The following PRRC2B variants were observed in gnomAD, a reference collection of about 807,000 sequenced individuals.
The protein encoded by PRRC2B is protein PRRC2B.
Under a neutral mutation model 242.3 loss-of-function variants are expected in PRRC2B, and 68 were observed. That is an observed-to-expected ratio of 0.28 (90% CI 0.23 to 0.34). The LOEUF is 0.34. Among genes scored for constraint, PRRC2B ranks in the 10% least tolerant of loss-of-function variants. PRRC2B has a pLI of 1.00. For missense variants in PRRC2B, 2,835 were observed against 2,954.8 expected (o/e 0.96, Z 0.94); for synonymous variants, 1,228 against 1,173.6 (o/e 1.05, Z -0.95).
At chr9:131,449,711 C>T (rs1299934003) in intron 9 of PRRC2B, among the ~76,000 whole-genome samples, 2 of 151,988 alleles carry the variant, frequency 1.3e-5, no homozygotes, top group Non-Finnish European at 2.9e-5. Flanking sequence ...TTTTTAAACA[C>T]TGTTTTGGTG....
chr9:131,475,371 C>T lies in PRRC2B; in HGVS notation c.3242C>T (p.Ala1081Val), dbSNP rs200121607. 115 of 1,586,876 alleles carry T rather than the reference C, an allele frequency of 7.2e-5. 2 individuals are homozygous for T. Among genetic ancestry groups the T allele is most frequent in the Middle Eastern group, 5.1e-4 (3 of 5,912 alleles). The stretch of plus-strand genomic sequence containing the variant: ...GAGTTCACTTTTCGTGGTCGGCCTG[C>T]TGGCGGAAATGGGAGCGGCCTCTGT... Reference protein sequence around the residue: ...FREFTFRGRPAGGNGSGLCGG... With the variant: ...FREFTFRGRPVGGNGSGLCGG... The change falls in exon 16 of 32, where the codon GCT (alanine) becomes GTT (valine). Residue 1081 changes from alanine to valine, a missense_variant. Transcript: ENST00000683519.
chr9:131,465,047 T>C lies in PRRC2B; in HGVS notation c.1689T>C (p.Ser563=), dbSNP rs1359420649. The C allele has an allele frequency of 1.9e-6, 3 of 1,613,658 alleles. No individual in the cohort carries two copies. The highest frequency in any genetic ancestry group is 1.7e-6 in the Non-Finnish European group (2 of 1,179,694). The stretch of plus-strand genomic sequence containing the variant: ...GGTCTCCAAGTGCTGAGAAGGCATC[T>C]CCCCAGGAAAACGGCCCTGCTGTCC... ...VPWSPSAEKA[S]PQENGPAVHK... is the part of the protein sequence containing the mutation. Residue 563 remains serine, a synonymous_variant, in exon 12 of 32, where the codon TCT becomes TCC. Transcript: ENST00000683519.
At chr9:131,400,667 C>T (rs1299919407) in intron 1 of PRRC2B, among the ~76,000 whole-genome samples, 1 of 152,138 alleles carries the variant, frequency 6.6e-6, no homozygotes, top group African/African-American at 2.4e-5. Flanking sequence ...CCGCCTCCGC[C>T]TATCAAAGTG....
chr9:131,413,633 TG>T (rs1040933125), intron 1 of PRRC2B, among the ~76,000 whole-genome samples: 1 of 152,192 alleles, frequency 6.6e-6, no homozygotes, highest in African/African-American at 2.4e-5. Flanking sequence ...CCCAAAGTGC[TG>T]GGTTACAGGT....
At chr9:131,462,357 C>T (rs1221977229) in intron 11 of PRRC2B, among the ~76,000 whole-genome samples, 1 of 152,030 alleles carries the variant, frequency 6.6e-6, no homozygotes, top group East Asian at 1.9e-4. Context: ...GGATTATAGG[C>T]ATGTGCCACC....
chr9:131,382,693 G>A (rs1836776641), intron 1 of PRRC2B, among the ~76,000 whole-genome samples: 2 of 151,624 alleles, frequency 1.3e-5, no homozygotes, highest in Non-Finnish European at 2.9e-5. Flanking sequence ...CGCCCAGGCT[G>A]GAGTGCAGTG....
chr9:131,455,510 CTTTTTTTTTTT>C (rs148974781), intron 10 of PRRC2B, among the ~76,000 whole-genome samples: 3 of 86,992 alleles, frequency 3.4e-5, no homozygotes, highest in East Asian at 6.7e-4. Flanking sequence ...GGTTCAACTT[CTTTTTTTTTTT>C]TTTTTTTTTT....
chr9:131,485,829 C>A, intron 25 of PRRC2B: 1 of 720,680 alleles, frequency 1.4e-6, no homozygotes, highest in Non-Finnish European at 2.6e-6. Flanking sequence ...GAAGGGTAGG[C>A]CAGAGCCCAC....
Position 131,487,808 on chromosome 9 carries a change from C to T in PRRC2B, c.5985-48C>T. ...TCTCTGAAGGGTGGGACCAGATCCG[C>T]AGCTGGACTCATCCACCTGATCCCG... On this transcript the variant is annotated intron_variant, in intron 27 of 31. Transcript: ENST00000683519. The surrounding 1 kb of genome is among the most constrained non-coding windows in gnomAD (Gnocchi z 5.3). The T allele has an allele frequency of 6.3e-7, 1 of 1,575,634 alleles. No individual in the cohort carries two copies. Among genetic ancestry groups the T allele is most frequent in the Non-Finnish European group, 8.7e-7 (1 of 1,154,922 alleles).
Position 131,470,926 on chromosome 9 carries a change from C to T in PRRC2B, c.2050C>T (p.Arg684Cys), listed in dbSNP as rs778875450. Residue 684 changes from arginine to cysteine, a missense_variant, in exon 14 of 32, where the codon CGT becomes TGT. By Grantham distance (180) the Arg-to-Cys change is radical (BLOSUM62 -3). Transcript: ENST00000683519. ...GATGATGCCTTCCTACATGGACCCA[C>T]GTATCACGCCCACTCGGACCCCGGT... ...WMMMPSYMDP[R>C]ITPTRTPVDF... is the part of the protein sequence containing the mutation. 17 of 1,612,314 alleles carry T rather than the reference C, an allele frequency of 1.1e-5. No individual in the cohort carries two copies. Among genetic ancestry groups the T allele is most frequent in the East Asian group, 4.5e-5 (2 of 44,836 alleles).
chr9:131,438,982 C>T lies in PRRC2B; in HGVS notation c.397-7C>T. On this transcript the variant is annotated splice_polypyrimidine_tract_variant and splice_region_variant and intron_variant, in intron 4 of 31. Transcript: ENST00000683519. The stretch of plus-strand genomic sequence containing the variant: ...TGGCCCTCTTCTGATTCTCTTCCTT[C>T]TTTCAGAATACAAATTCAGTGCCAG... The T allele has an allele frequency of 6.2e-7, 1 of 1,609,902 alleles. No homozygotes were observed. The highest frequency in any genetic ancestry group is 8.5e-7 in the Non-Finnish European group (1 of 1,177,306).
At chr9:131,480,799 A>G (rs1295786955) in intron 19 of PRRC2B, among the ~76,000 whole-genome samples, 2 of 151,910 alleles carry the variant, frequency 1.3e-5, no homozygotes, top group Non-Finnish European at 2.9e-5. Flanking sequence ...CTCCGGATCC[A>G]TGGCCATTCA....
At chr9:131,424,927 A>G (rs1262444998) in intron 1 of PRRC2B, among the ~76,000 whole-genome samples, 1 of 152,174 alleles carries the variant, frequency 6.6e-6, no homozygotes, top group Non-Finnish European at 1.5e-5. Context: ...CATCTCGTAA[A>G]CACAATTCTA....
intron 1 of PRRC2B, among the ~76,000 whole-genome samples, chr9:131,376,388 A>C (rs1033466396): frequency 6.6e-6 from 1 of 151,474 alleles, no homozygotes; most frequent in Non-Finnish European, 1.5e-5. Flanking sequence ...GATAACATGC[A>C]TGTAGCATGC....
Position 131,482,099 on chromosome 9 carries a change from C to T in PRRC2B, c.4984-272C>T, listed in dbSNP as rs769902749. Among the ~76,000 whole-genome samples the T allele has an allele frequency of 7.2e-5, 11 of 152,190 alleles. No homozygotes were observed. Among genetic ancestry groups the T allele is most frequent in the South Asian group, 4.1e-4 (2 of 4,830 alleles). On this transcript the variant is annotated intron_variant, in intron 20 of 31. Coordinates refer to ENST00000683519, the MANE Select transcript of PRRC2B (RefSeq NM_013318.4). The surrounding 1 kb of genome is among the most constrained non-coding windows in gnomAD (Gnocchi z 5.2). ...TCCTCTGAACTGGTGTCAGCAGCCA[C>T]GTAGTCTGGTTTGGGTCACAAGTGA... is the stretch of plus-strand genomic sequence containing the variant.
At chr9:131,420,497 T>TTTCTTTCTTTCTTTCGTTCGTTC (rs1837801640) in intron 1 of PRRC2B, among the ~76,000 whole-genome samples, 1 of 16,432 alleles carries the variant, frequency 6.1e-5, no homozygotes, top group African/African-American at 1.4e-4. Context: ...TTCTTTCTTT[T>TTTCTTTCTTTCTTTCGTTCGTTC]TTTTTTTTTT....
Position 131,496,001 on chromosome 9 carries a change from C to T in PRRC2B, c.*127C>T, listed in dbSNP as rs1028821742. 22 of 1,286,998 alleles carry T rather than the reference C, an allele frequency of 1.7e-5. No individual in the cohort carries two copies. In the African/African-American group the frequency reaches 2.8e-4, roughly 16 times the overall value. 79.7% of individuals were successfully genotyped at this position (1,286,998 alleles called of 1,614,324 possible). On this transcript the variant is annotated 3_prime_UTR_variant, in exon 32 of 32. Transcript: ENST00000683519. ...ATGCGTGGCCCAGACTGAGAGACCT[C>T]CCTCCTCTCCACTCCCGAAAGCTCC...
chr9:131,392,003 A>G (rs1389953041), upstream of PRRC2B, among the ~76,000 whole-genome samples: 1 of 151,994 alleles, frequency 6.6e-6, no homozygotes, highest in Non-Finnish European at 1.5e-5. Context: ...GGCCTCCCAA[A>G]GTGGTGGGAT....
At chr9:131,439,179 A>G (rs1838473987) in intron 5 of PRRC2B, 118 bp downstream of exon 5, 1 of 800,952 alleles carries the variant, frequency 1.2e-6, no homozygotes, top group Non-Finnish European at 2.1e-6. Flanking sequence ...TCTTCCACAA[A>G]GAGGTACCGT....
Sources: gnomAD v4.1 joint callset for allele counts (sites outside exome capture counted in the v4.1 genomes callset) on GRCh38, gnomAD v4.1.1 for gene constraint, Gnocchi (gnomAD v3.1) non-coding constraint, MANE v1.5 for transcripts, NCBI Gene and HGNC (gene_info 2026-07-23, HGNC 2026-07-21) for gene names.